CEP250: variants seen among roughly 807,000 people sequenced by gnomAD.
CEP250 encodes centrosome-associated protein CEP250.
Under a neutral mutation model 315.7 loss-of-function variants are expected in CEP250, and 242 were observed. That is an observed-to-expected ratio of 0.77 (90% CI 0.69 to 0.85). The LOEUF (loss-of-function observed/expected upper bound fraction) is 0.85. CEP250 is among the 40% of genes least tolerant of loss of function. The pLI is 0.00. For missense variants in CEP250, 2,515 were observed against 2,886.4 expected, an observed-to-expected ratio of 0.87 and a Z score of 2.95; for synonymous variants, 1,088 against 1,175.0, an observed-to-expected ratio of 0.93 and a Z score of 1.51.
At chr20:35,509,410 G>A (rs1245292328) in intron 33 of CEP250, among the ~76,000 whole-genome samples, 1 of 152,220 alleles carries the variant, frequency 6.6e-6, no homozygotes, top group Non-Finnish European at 1.5e-5. Flanking sequence ...CTTGATCACA[G>A]CTTGATCTCT....
At chr20:35,459,798 A>G (rs1252063470) in intron 2 of CEP250, among the ~76,000 whole-genome samples, 185 bp from the exon 3 acceptor site, 1 of 152,014 alleles carries the variant, frequency 6.6e-6, no homozygotes, top group Non-Finnish European at 1.5e-5. Flanking sequence ...TAATAATAGG[A>G]TAATATTAGC....
chr20:35,480,961 T>C (rs1431680397), intron 20 of CEP250, among the ~76,000 whole-genome samples: 1 of 152,204 alleles, frequency 6.6e-6, no homozygotes. Flanking sequence ...GATTAAGTTG[T>C]ATTCTTTTCT....
At chr20:35,499,966 T>G in intron 27 of CEP250, 83 bp from the exon 28 acceptor site, 1 of 1,567,994 alleles carries the variant, frequency 6.4e-7, no homozygotes, top group Non-Finnish European at 8.7e-7. Context: ...CCACAGAAGC[T>G]GAGAATGAGG....
chr20:35,517,196 A>C lies in CEP250; in HGVS notation c.*5570A>C, dbSNP rs2064444036. On this transcript the variant is annotated 3_prime_UTR_variant, in exon 35 of 35. Coordinates refer to ENST00000397527, the MANE Select transcript of CEP250 (RefSeq NM_007186.6). ...CCTGCTAAAGGCTGGGCTGAAAGCTAAGAGGAGAGGTGGCATTCAATGTGT... is the reference window on the plus strand; with the variant it reads ...CCTGCTAAAGGCTGGGCTGAAAGCTCAGAGGAGAGGTGGCATTCAATGTGT... 1.1e-5 allele frequency: 2 copies of C among 179,478 alleles called. No homozygotes were observed. The highest frequency in any genetic ancestry group is 2.1e-5 in the Non-Finnish European group (2 of 93,034). The allele number at this position is 179,478 out of a possible 1,614,324, so 11.1% of individuals were successfully genotyped here.
Position 35,466,962 on chromosome 20 carries a change from A to G in CEP250, c.493-4A>G. On this transcript the variant is annotated splice_polypyrimidine_tract_variant and splice_region_variant and intron_variant, in intron 7 of 34. Coordinates refer to ENST00000397527, the MANE Select transcript of CEP250 (RefSeq NM_007186.6). ...GGGTATGACCTGGGTTTCTGAACAC[A>G]CAGTTCTTCAAGGGCTACCTGAAAG... is the stretch of plus-strand genomic sequence containing the variant. 1 of 1,604,528 alleles carries G rather than the reference A, an allele frequency of 6.2e-7. No homozygotes were observed.
chr20:35,459,669 T>C (rs1296438158), intron 2 of CEP250, among the ~76,000 whole-genome samples: 1 of 151,054 alleles, frequency 6.6e-6, no homozygotes, highest in Non-Finnish European at 1.5e-5. Context: ...TCAGCTCCTC[T>C]GAAGGGTGAG....
rs1280556565 is a variant in CEP250, at chr20:35,467,089, G to A, written c.599+17G>A. 7 of 1,584,124 alleles carry A rather than the reference G, an allele frequency of 4.4e-6. No individual in the cohort carries two copies. Among genetic ancestry groups the A allele is most frequent in the Non-Finnish European group, 6.1e-6 (7 of 1,156,438 alleles). On this transcript the variant is annotated intron_variant, in intron 8 of 34. Coordinates refer to ENST00000397527, the MANE Select transcript of CEP250 (RefSeq NM_007186.6). The stretch of plus-strand genomic sequence containing the variant: ...TACTGACAGGTCAGTGTGGGGAGAA[G>A]AAGGGAGGAGGTTTGCCCCTACCAA...
In CEP250 at chr20:35,506,785, T is replaced by C. The variant is rs1265511704; in HGVS notation, c.6637-953T>C. Among the ~76,000 whole-genome samples the C allele has an allele frequency of 2.6e-5, 4 of 152,292 alleles. No individual in the cohort carries two copies. In the East Asian group the frequency reaches 5.8e-4, roughly 22 times the overall value. On this transcript the variant is annotated intron_variant, in intron 30 of 34. Coordinates refer to ENST00000397527, the MANE Select transcript of CEP250 (RefSeq NM_007186.6). ...CTGATCTTCAATTTCTCATCAGTAA[T>C]ATAGGCATTGGTGGTATGACATGGC...
In CEP250 at chr20:35,511,806, T is replaced by C. The variant is rs1157735132; in HGVS notation, c.*180T>C. 1 of 1,411,002 alleles carries C rather than the reference T, an allele frequency of 7.1e-7. No individual in the cohort carries two copies. Among genetic ancestry groups the C allele is most frequent in the Non-Finnish European group, 9.2e-7 (1 of 1,086,826 alleles). 87.4% of individuals were successfully genotyped at this position (1,411,002 alleles called of 1,614,324 possible). ...ACCCTGGGGAGGACCCCAACTCACC[T>C]GGGAATGAGGCAAATTGCATTTGCT... On this transcript the variant is annotated 3_prime_UTR_variant, in exon 35 of 35. Coordinates refer to ENST00000397527, the MANE Select transcript of CEP250 (RefSeq NM_007186.6).
rs1188995028 is a variant in CEP250, at chr20:35,503,686, C to T, written c.5317C>T (p.Leu1773=). The T allele has an allele frequency of 1.2e-6, 2 of 1,613,978 alleles. No individual in the cohort carries two copies. The highest frequency in any genetic ancestry group is 1.7e-5 in the Admixed American group (1 of 59,998). Residue 1773 remains leucine, a synonymous_variant, in exon 30 of 35, where the codon CTG becomes TTG. Transcript: ENST00000397527. The surrounding 1 kb of genome is among the most constrained non-coding windows in gnomAD (Gnocchi z 4.2). ...HRKVGETSLL[L]SQREQEIVVL... ...GAAGGTAGGTGAGACCAGCCTCCTC[C>T]TGTCCCAGCGAGAGCAGGAAATAGT...
rs1378650812 is a variant in CEP250 at position 35,475,495 on chromosome 20, A to G, written c.1572-7A>G. The G allele has an allele frequency of 2.5e-6, 4 of 1,613,512 alleles. No individual in the cohort carries two copies. In the Admixed American group the frequency reaches 6.7e-5, roughly 27 times the overall value. Reference sequence around the variant, plus strand: ...GTTCCTCTAGACCCCTCTCTTTCCCATCTTAGTCAGGAGATGCTGATGGGC... The same window carrying G: ...GTTCCTCTAGACCCCTCTCTTTCCCGTCTTAGTCAGGAGATGCTGATGGGC... On this transcript the variant is annotated splice_polypyrimidine_tract_variant and splice_region_variant and intron_variant, in intron 14 of 34. Coordinates refer to ENST00000397527, the MANE Select transcript of CEP250 (RefSeq NM_007186.6).
chr20:35,505,594 A>C (rs933207367), intron 30 of CEP250, among the ~76,000 whole-genome samples: 6 of 148,202 alleles, frequency 4.0e-5, no homozygotes, highest in African/African-American at 1.5e-4. Flanking sequence ...CGGAGGTTGC[A>C]GTGAGCCGAG....
chr20:35,503,314 C>G lies in CEP250; in HGVS notation c.4945C>G (p.Leu1649Val), dbSNP rs756838167. The change falls in exon 30 of 35, where the codon CTG (leucine) becomes GTG (valine). Residue 1649 changes from leucine (L) to valine (V), a missense_variant. Coordinates refer to ENST00000397527, the MANE Select transcript of CEP250 (RefSeq NM_007186.6). This position sits in a 1 kb window ranked among gnomAD's most constrained non-coding sequence, Gnocchi z 4.2. Reference sequence around the variant, plus strand: ...GGAGCTGCAGAGGCAGAAAGAGCATCTGACTCAGGATCTCGAGAGGAGAGA... The same window carrying G: ...GGAGCTGCAGAGGCAGAAAGAGCATGTGACTCAGGATCTCGAGAGGAGAGA... ...IEELQRQKEHLTQDLERRDQE... is the reference protein window; with the variant it reads ...IEELQRQKEHVTQDLERRDQE... The G allele has an allele frequency of 1.2e-6, 2 of 1,614,168 alleles. No individual in the cohort carries two copies. Among genetic ancestry groups the G allele is most frequent in the East Asian group, 4.5e-5 (2 of 44,874 alleles).
At chr20:35,502,287 C>T (rs6120963) in intron 29 of CEP250, 103 bp from the exon 30 acceptor site, 2 of 1,075,580 alleles carry the variant, frequency 1.9e-6, no homozygotes, top group South Asian at 1.7e-5. Context: ...TGCCCAAGTC[C>T]TTATCACTGC....
Position 35,462,337 on chromosome 20 carries a change from G to A in CEP250, c.-31G>A. On this transcript the variant is annotated 5_prime_UTR_variant, in exon 4 of 35. An upstream open reading frame in the 5' UTR loses its in-frame stop. Transcript: ENST00000397527. ...GGCGTGAACACCCTCTGGCTACCTAGGGACCTGTGGGCCTACCACCTGGTG... is the reference window on the plus strand; with the variant it reads ...GGCGTGAACACCCTCTGGCTACCTAAGGACCTGTGGGCCTACCACCTGGTG... 1 of 1,541,860 alleles carries A rather than the reference G, an allele frequency of 6.5e-7. No individual in the cohort carries two copies. Among genetic ancestry groups the A allele is most frequent in the Non-Finnish European group, 8.8e-7 (1 of 1,137,534 alleles).
chr20:35,511,975 T>C lies in CEP250; in HGVS notation c.*349T>C, dbSNP rs1338503825. On this transcript the variant is annotated 3_prime_UTR_variant, in exon 35 of 35. Coordinates refer to ENST00000397527, the MANE Select transcript of CEP250 (RefSeq NM_007186.6). ...ATAAACCCTGGGATCTTTGCATTCATTTTCTGCTGCTGTCTCCACTTGTGC... is the reference window on the plus strand; with the variant it reads ...ATAAACCCTGGGATCTTTGCATTCACTTTCTGCTGCTGTCTCCACTTGTGC... 5.6e-6 allele frequency: 6 copies of C among 1,073,666 alleles called. No individual in the cohort carries two copies. 66.5% of individuals were successfully genotyped at this position (1,073,666 alleles called of 1,614,324 possible).
In CEP250 at chr20:35,497,707, C is replaced by T; in HGVS notation, c.3307-12C>T. 2 of 1,532,562 alleles carry T rather than the reference C, an allele frequency of 1.3e-6. No homozygotes were observed. Among genetic ancestry groups the T allele is most frequent in the Non-Finnish European group, 1.8e-6 (2 of 1,134,778 alleles). 94.9% of individuals were successfully genotyped at this position (1,532,562 alleles called of 1,614,324 possible). The stretch of plus-strand genomic sequence containing the variant: ...CTTCCTGCTTATATTATGTAAAATT[C>T]TTCCTTGACAGATGGAATTACTAAG... On this transcript the variant is annotated splice_polypyrimidine_tract_variant and intron_variant, in intron 25 of 34. Transcript: ENST00000397527.
chr20:35,475,644 A>G lies in CEP250; in HGVS notation c.1714A>G (p.Arg572Gly). 6.2e-7 allele frequency: 1 copy of G among 1,613,322 alleles called. No individual in the cohort carries two copies. The highest frequency in any genetic ancestry group is 1.1e-5 in the South Asian group (1 of 91,026). ...EQTEVTAALA[R>G]AEQSIAELSS... The stretch of plus-strand genomic sequence containing the variant: ...AACGGAAGTGACCGCAGCGCTGGCT[A>G]GGGTGCGTGGCCTCCTCTCCTCACT... The change falls in exon 15 of 35, where the codon AGG becomes GGG. Residue 572 changes from arginine to glycine, a missense_variant and splice_region_variant. Coordinates refer to ENST00000397527, the MANE Select transcript of CEP250 (RefSeq NM_007186.6).
Position 35,479,359 on chromosome 20 carries a change from A to G in CEP250, c.2223A>G (p.Leu741=). ...CCCTAGTACGAGAGAAAGCGGCTCT[A>G]GAGGTGCGGCTGCAGGCCGTGGAGC... ...KEALVREKAA[L]EVRLQAVERD... Residue 741 remains leucine, a synonymous_variant, in exon 18 of 35, where the codon CTA becomes CTG. Transcript: ENST00000397527. The G allele has an allele frequency of 1.9e-6, 3 of 1,614,212 alleles. No individual in the cohort carries two copies. The highest frequency in any genetic ancestry group is 2.5e-6 in the Non-Finnish European group (3 of 1,180,030).
Sources: allele counts gnomAD v4.1 joint callset (sites outside exome capture counted in the v4.1 genomes callset), GRCh38; gene constraint gnomAD v4.1.1; non-coding constraint Gnocchi (gnomAD v3.1); transcripts MANE v1.5; gene names NCBI Gene and HGNC (gene_info 2026-07-23, HGNC 2026-07-21).